SPANXN3: variants seen among roughly 807,000 people sequenced by gnomAD.
SPANXN3 encodes the protein SPANX family member N3, also known as sperm protein associated with the nucleus on the X chromosome N3.
Under a neutral mutation model 1.9 loss-of-function variants are expected in SPANXN3, and 1 was observed. That is an observed-to-expected ratio of 0.54 (90% CI 0.19 to 2.54). The LOEUF (loss-of-function observed/expected upper bound fraction) is 2.54. SPANXN3 is among the 30% of genes most tolerant of loss of function. The pLI, the probability that SPANXN3 is intolerant of heterozygous loss-of-function variation, is 0.24. For missense variants in SPANXN3, 113 were observed against 96.2 expected (o/e 1.17, Z -0.73); for synonymous variants, 47 against 40.0 (o/e 1.17, Z -0.66).
intron 1 of SPANXN3, among the ~76,000 whole-genome samples, chrX:143,511,265 C>A (rs1483342132): frequency 2.7e-5 from 3 of 111,425 alleles, no homozygotes; most frequent in Non-Finnish European, 5.7e-5. Flanking sequence ...TGACCTCAAT[C>A]GGAATTATCA....
At chrX:143,511,720 C>A (rs1929096886) in intron 1 of SPANXN3, among the ~76,000 whole-genome samples, 1 of 111,464 alleles carries the variant, frequency 9.0e-6, no homozygotes, top group African/African-American at 3.3e-5. Context: ...GGACACTGAG[C>A]AAAAGCCTGG....
chrX:143,516,280 C>A (rs1446333367), intron 1 of SPANXN3, among the ~76,000 whole-genome samples: 2 of 112,481 alleles, frequency 1.8e-5, no homozygotes, highest in Non-Finnish European at 3.7e-5. Context: ...TGGCTTGCCA[C>A]CATAACCTAC....
At chrX:143,516,694 C>T (rs1556412624) in intron 1 of SPANXN3, 1 of 113,139 alleles carries the variant, frequency 8.8e-6, no homozygotes. Context: ...TACCATCCTT[C>T]TCCTCTGCCA....
chrX:143,509,154 C>T lies in SPANXN3; in HGVS notation c.87G>A (p.Glu29=), dbSNP rs781899519. 2 of 1,202,838 alleles carry T rather than the reference C, an allele frequency of 1.7e-6. No individual in the cohort carries two copies. Among genetic ancestry groups the T allele is most frequent in the Non-Finnish European group, 2.2e-6 (2 of 890,446 alleles). The change falls in exon 2 of 2, where the codon GAG becomes GAA. Residue 29 remains glutamate (E), a synonymous_variant. Transcript: ENST00000370503. ...SNNKKNDEMQ[E]VPNRVLAPEQ... is the part of the protein sequence containing the mutation. The stretch of plus-strand genomic sequence containing the variant: ...CGGGGGCTAAGACTCTGTTTGGTAC[C>T]TCTTGCATCTGGTAAGAAAATAGGG...
In SPANXN3 at chrX:143,508,970, A is replaced by C; in HGVS notation, c.271T>G (p.Leu91Val). 8.3e-7 allele frequency: 1 copy of C among 1,212,104 alleles called. No individual in the cohort carries two copies. Among genetic ancestry groups the C allele is most frequent in the African/African-American group, 1.7e-5 (1 of 57,866 alleles). Residue 91 changes from leucine (L) to valine (V), a missense_variant, in exon 2 of 2, where the codon TTA becomes GTA. Coordinates refer to ENST00000370503, the MANE Select transcript of SPANXN3 (RefSeq NM_001009609.4). ...IQKEEDEGVD[L>V]SEGSSNEDED... is the part of the protein sequence containing the mutation. ...TCCTCATTTGAAGATCCTTCAGATA[A>C]GTCTACGCCTTCGTCCTCCTCCTTT...
intron 1 of SPANXN3, among the ~76,000 whole-genome samples, chrX:143,510,508 C>CCCAGAGTATTCACTCCCAT (rs1209073692): frequency 2.7e-5 from 3 of 111,528 alleles, no homozygotes. Context: ...ACTCACTTTC[C>CCCAGAGTATTCACTCCCAT]CCAGAGTATT....
At chrX:143,509,802 G>T (rs782771105) in intron 1 of SPANXN3, 1 of 122,809 alleles carries the variant, frequency 8.1e-6, no homozygotes. Flanking sequence ...ACTTCCACAG[G>T]TGTCTGCAAT....
intron 1 of SPANXN3, among the ~76,000 whole-genome samples, chrX:143,512,881 C>T (rs1929126362): frequency 9.0e-6 from 1 of 111,054 alleles, no homozygotes; most frequent in Non-Finnish European, 1.9e-5. Context: ...TTAACCTGTC[C>T]ATCCAACACA....
intron 1 of SPANXN3, among the ~76,000 whole-genome samples, chrX:143,512,840 C>T (rs5955057): frequency 0.15 from 16,382 of 110,437 alleles, 1,660 homozygotes; most frequent in African/African-American, 0.35. Flanking sequence ...CCTCCTGCAA[C>T]ATGTCAAACT....
chrX:143,512,177 G>A (rs1178869089), intron 1 of SPANXN3, among the ~76,000 whole-genome samples: 1 of 109,584 alleles, frequency 9.1e-6, no homozygotes, highest in Non-Finnish European at 1.9e-5. Context: ...CATGCAATGC[G>A]GCTCCTACAA....
Position 143,517,461 on chromosome X carries a change from G to A in SPANXN3, c.-70C>T, listed in dbSNP as rs1929248413. 8 of 1,107,444 alleles carry A rather than the reference G, an allele frequency of 7.2e-6. No homozygotes were observed. In the South Asian group the frequency reaches 1.5e-4, roughly 21 times the overall value. 91.3% of individuals were successfully genotyped at this position (1,107,444 alleles called of 1,213,427 possible). ...TGCAGACTTCCACAGCTATGTTGAA[G>A]CTTCCCAGTGGGATGTCCCAGAGCT... On this transcript the variant is annotated 5_prime_UTR_variant, in exon 1 of 2. Transcript: ENST00000370503.
At chrX:143,510,783 G>C (rs184990040) in intron 1 of SPANXN3, among the ~76,000 whole-genome samples, 3 of 109,140 alleles carry the variant, frequency 2.7e-5, no homozygotes, top group African/African-American at 1.0e-4. Context: ...AAACCCCTTC[G>C]TCTGGCTCCT....
chrX:143,515,115 C>T (rs1464969315), intron 1 of SPANXN3, among the ~76,000 whole-genome samples: 1 of 110,555 alleles, frequency 9.0e-6, no homozygotes, highest in East Asian at 2.9e-4. Context: ...AAATACTCCG[C>T]CCTGTCCCTA....
intron 1 of SPANXN3, among the ~76,000 whole-genome samples, chrX:143,516,248 G>A (rs1929213076): frequency 3.6e-5 from 4 of 112,372 alleles, no homozygotes; most frequent in Non-Finnish European, 7.5e-5. Context: ...AATTTCTGCA[G>A]AATTCAACAC....
rs782363103 is a variant in SPANXN3 at position 143,511,266 on chromosome X, G to A, written c.79-2104C>T. Reference sequence around the variant, plus strand: ...GCTGTCCCCAGAACTGACCTCAATCGGAATTATCAGGCAACTTCTGTAGAC... The same window carrying A: ...GCTGTCCCCAGAACTGACCTCAATCAGAATTATCAGGCAACTTCTGTAGAC... On this transcript the variant is annotated intron_variant, in intron 1 of 1. Transcript: ENST00000370503. Among the ~76,000 whole-genome samples, 769 of 111,199 alleles carry A rather than the reference G, an allele frequency of 6.9e-3. 12 individuals carry two copies. The highest frequency in any genetic ancestry group is 7.1e-3 in the Non-Finnish European group (378 of 53,012).
chrX:143,512,937 A>T (rs1556411955), intron 1 of SPANXN3, among the ~76,000 whole-genome samples: 3 of 111,725 alleles, frequency 2.7e-5, no homozygotes, highest in African/African-American at 9.8e-5. Flanking sequence ...AATCTCAGGT[A>T]GCCCAAACCA....
chrX:143,509,268 G>C, intron 1 of SPANXN3, 106 bp from the exon 2 acceptor site: 1 of 637,630 alleles, frequency 1.6e-6, no homozygotes, highest in South Asian at 2.8e-5. Flanking sequence ...GTGGAGGAAG[G>C]GGTGTGTGCC....
chrX:143,512,834 C>A (rs1556411943), intron 1 of SPANXN3, among the ~76,000 whole-genome samples: 1 of 111,135 alleles, frequency 9.0e-6, no homozygotes, highest in African/African-American at 3.3e-5. Context: ...TAGCACCCTC[C>A]TGCAACATGT....
Position 143,509,065 on chromosome X carries a change from T to G in SPANXN3, c.176A>C (p.Lys59Thr). Residue 59 changes from lysine (K) to threonine (T), a missense_variant, in exon 2 of 2, where the codon AAG becomes ACG. Lys to Thr is a moderately conservative substitution (Grantham distance 78). Coordinates refer to ENST00000370503, the MANE Select transcript of SPANXN3 (RefSeq NM_001009609.4). ...TTGATTTGAATTTATTTTCTTACCC[T>G]TCCTGAGGTAATACACAAATATTAT... Reference protein sequence around the residue: ...YPIIFVYYLRKGKKINSNQLE... With the variant: ...YPIIFVYYLRTGKKINSNQLE... 1 of 1,211,436 alleles carries G rather than the reference T, an allele frequency of 8.3e-7. No homozygotes were observed. The highest frequency in any genetic ancestry group is 1.1e-6 in the Non-Finnish European group (1 of 894,912).
Sources: allele counts gnomAD v4.1 joint callset (sites outside exome capture counted in the v4.1 genomes callset), GRCh38; gene constraint gnomAD v4.1.1; transcripts MANE v1.5; gene names NCBI Gene and HGNC (gene_info 2026-07-23, HGNC 2026-07-21).